Variants in IQSEC1 observed in about 807,000 individuals in gnomAD.
IQSEC1 encodes IQ motif and SEC7 domain-containing protein 1.
In IQSEC1, 31 loss-of-function variants were observed where a neutral mutation model predicts 91.0. The ratio of observed to expected loss-of-function variants is 0.34; its 90% CI spans 0.26 to 0.46. The LOEUF (loss-of-function observed/expected upper bound fraction) is 0.46. Ranked by LOEUF, IQSEC1 falls within the 20% of genes least tolerant of loss-of-function variation. The pLI is 1.00. For synonymous variants in IQSEC1, 699 were observed against 662.6 expected, an observed-to-expected ratio of 1.05 and a Z score of -0.84; for missense variants, 1,388 against 1,575.6, an observed-to-expected ratio of 0.88 and a Z score of 2.02.
At chr3:13,223,446 C>G (rs1694697441) in intron 1 of IQSEC1, among the ~76,000 whole-genome samples, 2 of 152,208 alleles carry the variant, frequency 1.3e-5, no homozygotes, top group African/African-American at 4.8e-5. Context: ...GCTTCTCCGC[C>G]CACCCAGCAG....
intron 1 of IQSEC1, among the ~76,000 whole-genome samples, chr3:13,178,532 G>T (rs563779101): frequency 2.0e-5 from 3 of 152,332 alleles, no homozygotes; most frequent in Middle Eastern, 3.4e-3. Flanking sequence ...CCTTACAAGG[G>T]CCCTCTTCTG....
At chr3:13,137,217 C>T (rs1365898291) in intron 2 of IQSEC1, among the ~76,000 whole-genome samples, 2 of 152,176 alleles carry the variant, frequency 1.3e-5, no homozygotes, top group Non-Finnish European at 2.9e-5. Context: ...TTAGCCAACA[C>T]ACAAAGCAGA....
At chr3:13,075,005 A>C (rs1034157560), upstream of IQSEC1, among the ~76,000 whole-genome samples, 3 of 152,174 alleles carry the variant, frequency 2.0e-5, no homozygotes, top group East Asian at 5.8e-4. Flanking sequence ...GGCCAAGGTG[A>C]GGCATCGAAC....
At position 12,908,676 on chromosome 3, in the gene IQSEC1, A is replaced by T; in HGVS notation, c.2579-151T>A. 1.2e-6 allele frequency: 1 copy of T among 800,588 alleles called. No individual in the cohort carries two copies. The highest frequency in any genetic ancestry group is 2.0e-6 in the Non-Finnish European group (1 of 499,654). The allele number at this position is 800,588 out of a possible 1,614,324, so 49.6% of individuals were successfully genotyped here. A position where few individuals can be genotyped will look rare whatever the true frequency, so the allele number is the denominator to read the frequency against. On this transcript the variant is annotated intron_variant, in intron 11 of 13. Transcript: ENST00000613206. This position sits in a 1 kb window ranked among gnomAD's most constrained non-coding sequence, Gnocchi z 4.9. ...TTCTGGGAAAGAGGGTGTGATGGCC[A>T]CCCTGGACAAAAGAGCAGAAAGGAG...
chr3:13,221,934 C>T (rs55770223), intron 1 of IQSEC1, among the ~76,000 whole-genome samples: 34,109 of 152,248 alleles, frequency 0.22, 4,270 homozygotes, highest in Non-Finnish European at 0.28. Context: ...AGATGGTAGC[C>T]GCGGAGCAGA....
chr3:13,238,836 C>T (rs1205151625), intron 1 of IQSEC1, among the ~76,000 whole-genome samples: 1 of 152,174 alleles, frequency 6.6e-6, no homozygotes, highest in African/African-American at 2.4e-5. Flanking sequence ...CTCCTACAGT[C>T]CCTGGGAGGG....
chr3:13,112,758 CCTG>C (rs1302090846), intron 2 of IQSEC1, among the ~76,000 whole-genome samples: 3 of 152,216 alleles, frequency 2.0e-5, no homozygotes, highest in African/African-American at 4.8e-5. Flanking sequence ...ATGCCCCTCC[CCTG>C]ACCTGGCCAC....
chr3:12,990,676 T>C (rs1462436254), intron 1 of IQSEC1, among the ~76,000 whole-genome samples: 3 of 152,096 alleles, frequency 2.0e-5, no homozygotes, highest in Non-Finnish European at 4.4e-5. Context: ...CCTGAGGGTG[T>C]CTGGGTACAC....
At chr3:12,949,700 C>G in intron 1 of IQSEC1, among the ~76,000 whole-genome samples, 1 of 152,058 alleles carries the variant, frequency 6.6e-6, no homozygotes, top group East Asian at 1.9e-4. Context: ...TTGTTCTGCA[C>G]AGGGCTATCT....
At chr3:13,183,150 CAAGACTCTGTCCCCACCAATAAAT>C (rs1488286379) in intron 1 of IQSEC1, among the ~76,000 whole-genome samples, 1 of 151,316 alleles carries the variant, frequency 6.6e-6, no homozygotes, top group East Asian at 1.9e-4. Context: ...GGTGACAGAG[CAAGACTCTGTCCCCACCAATAAAT>C]AAACAAACAA....
intron 2 of IQSEC1, among the ~76,000 whole-genome samples, chr3:13,102,715 T>C (rs775286990): frequency 2.0e-5 from 3 of 152,144 alleles, no homozygotes; most frequent in Admixed American, 2.0e-4. Context: ...GGCCTTTGCA[T>C]GTGCAGCCTT....
At chr3:13,059,926 G>A (rs1475972535) in intron 1 of IQSEC1, among the ~76,000 whole-genome samples, 1 of 152,238 alleles carries the variant, frequency 6.6e-6, no homozygotes, top group Non-Finnish European at 1.5e-5. Flanking sequence ...AGAGGATTGG[G>A]TATGCTCAGG....
In IQSEC1 at chr3:12,926,487, C is replaced by T. The variant is rs116173614; in HGVS notation, c.1569-1745G>A. 6.3e-3 allele frequency among the ~76,000 whole-genome samples: 958 copies of T among 152,308 alleles called. 11 individuals are homozygous for T. Among genetic ancestry groups the T allele is most frequent in the African/African-American group, 0.022 (910 of 41,568 alleles). On this transcript the variant is annotated intron_variant, in intron 3 of 13. Coordinates refer to ENST00000613206, the MANE Select transcript of IQSEC1 (RefSeq NM_001134382.3). Reference sequence around the variant, plus strand: ...CCTTGGACGGAGTCCTCAGAGTCACCGAGGGCTGTCAAGTGGTTGGGGACA... The same window carrying T: ...CCTTGGACGGAGTCCTCAGAGTCACTGAGGGCTGTCAAGTGGTTGGGGACA...
intron 1 of IQSEC1, among the ~76,000 whole-genome samples, chr3:12,974,841 T>C (rs929310697): frequency 4.6e-5 from 7 of 152,246 alleles, no homozygotes; most frequent in African/African-American, 1.7e-4. Flanking sequence ...AGGACACTTA[T>C]GCTGGGTGGG....
chr3:13,223,985 T>A (rs1694708898), intron 1 of IQSEC1, among the ~76,000 whole-genome samples: 3 of 151,682 alleles, frequency 2.0e-5, no homozygotes, highest in African/African-American at 7.3e-5. Flanking sequence ...AGCCAGGGGG[T>A]TGGGGCCGAG....
chr3:12,929,093 GGA>G (rs1268916739), intron 3 of IQSEC1, among the ~76,000 whole-genome samples: 1 of 152,202 alleles, frequency 6.6e-6, no homozygotes, highest in African/African-American at 2.4e-5. Context: ...GGCATGGCTG[GGA>G]GAGTCAGAAG....
chr3:13,004,543 T>C (rs925913706), intron 1 of IQSEC1, among the ~76,000 whole-genome samples: 23 of 152,118 alleles, frequency 1.5e-4, no homozygotes, highest in Middle Eastern at 3.4e-3. Flanking sequence ...CCCTCCTCCC[T>C]CTCCTTGGAT....
intron 2 of IQSEC1, among the ~76,000 whole-genome samples, chr3:13,141,082 T>C (rs1256596699): frequency 2.0e-5 from 3 of 152,260 alleles, no homozygotes; most frequent in Non-Finnish European, 2.9e-5. Context: ...TTGATGTTTA[T>C]TTCCTACGAG....
At chr3:13,272,941 G>C (rs938754906) in intron 1 of IQSEC1, among the ~76,000 whole-genome samples, 1 of 152,182 alleles carries the variant, frequency 6.6e-6, no homozygotes, top group African/African-American at 2.4e-5. Flanking sequence ...TGAAACCCAA[G>C]TCACCTGATT....
Sources: gnomAD v4.1 joint callset for allele counts (sites outside exome capture counted in the v4.1 genomes callset) on GRCh38, gnomAD v4.1.1 for gene constraint, Gnocchi (gnomAD v3.1) non-coding constraint, MANE v1.5 for transcripts, NCBI Gene and HGNC (gene_info 2026-07-23, HGNC 2026-07-21) for gene names.